Variants in KATNBL1 observed in about 807,000 individuals in gnomAD.
The protein encoded by KATNBL1 is KATNB1-like protein 1.
Under a neutral mutation model 44.7 loss-of-function variants are expected in KATNBL1, and 28 were observed. That is an observed-to-expected ratio of 0.63 (90% CI 0.46 to 0.86). The LOEUF is 0.86. Among genes scored for constraint, KATNBL1 ranks in the 40% least tolerant of loss-of-function variants. KATNBL1 has a pLI of 0.00. For missense variants in KATNBL1, 272 were observed against 350.7 expected, an observed-to-expected ratio of 0.78 and a Z score of 1.79; for synonymous variants, 78 against 114.9, an observed-to-expected ratio of 0.68 and a Z score of 2.06.
chr15:34,184,296 ACT>A (rs1469612341), intron 1 of KATNBL1, among the ~76,000 whole-genome samples: 20 of 119,448 alleles, frequency 1.7e-4, no homozygotes, highest in African/African-American at 6.9e-4. Context: ...ACAGAGCGAG[ACT>A]CTGTCTCAAA....
At position 34,155,029 on chromosome 15, in the gene KATNBL1, G is replaced by A. The variant is rs529665806; in HGVS notation, c.118-345C>T. Among the ~76,000 whole-genome samples, 23 of 152,270 alleles carry A rather than the reference G, an allele frequency of 1.5e-4. 1 individual carries two copies. In the East Asian group the frequency reaches 4.2e-3, roughly 28 times the overall value. On this transcript the variant is annotated intron_variant, in intron 2 of 9. Transcript: ENST00000256544. ...GTGCAGGTGACTAAGGATGACTAAG[G>A]ACAGAGCAGGTGACTAAGGATGACT...
intron 2 of KATNBL1, among the ~76,000 whole-genome samples, chr15:34,155,812 T>C (rs546969941): frequency 6.6e-6 from 1 of 152,358 alleles, no homozygotes; most frequent in East Asian, 1.9e-4. Flanking sequence ...ATTTATCTAA[T>C]CTACGTTTTT....
chr15:34,204,730 C>T (rs1044395265), intron 1 of KATNBL1, among the ~76,000 whole-genome samples: 2 of 152,162 alleles, frequency 1.3e-5, no homozygotes, highest in Non-Finnish European at 2.9e-5. Flanking sequence ...GCAAGAATAA[C>T]TGCTTTTTGT....
intron 2 of KATNBL1, among the ~76,000 whole-genome samples, chr15:34,157,499 G>T (rs190927266): frequency 6.6e-6 from 1 of 152,200 alleles, no homozygotes; most frequent in Non-Finnish European, 1.5e-5. Flanking sequence ...TGTGCTAAAA[G>T]ACCTTTAGTT....
chr15:34,157,986 G>A (rs1184889452), intron 2 of KATNBL1, among the ~76,000 whole-genome samples: 3 of 152,164 alleles, frequency 2.0e-5, no homozygotes, highest in Non-Finnish European at 4.4e-5. Flanking sequence ...TACCCAATGA[G>A]TAAGGTGATC....
chr15:34,151,293 A>G (rs929064913), intron 4 of KATNBL1, among the ~76,000 whole-genome samples: 2 of 152,074 alleles, frequency 1.3e-5, no homozygotes, highest in African/African-American at 4.8e-5. Flanking sequence ...CTGGTATGAG[A>G]TGATATCCTG....
chr15:34,146,595 G>A, intron 8 of KATNBL1, 166 bp downstream of exon 8: 1 of 549,200 alleles, frequency 1.8e-6, no homozygotes, highest in South Asian at 2.5e-5. Flanking sequence ...CAATTTCCAG[G>A]TGTGGTTTTC....
intron 1 of KATNBL1, among the ~76,000 whole-genome samples, chr15:34,180,886 G>A (rs1356850486): frequency 2.0e-5 from 3 of 152,040 alleles, no homozygotes; most frequent in Non-Finnish European, 4.4e-5. Flanking sequence ...AACATAGTGA[G>A]ACCCGTCTCC....
intron 1 of KATNBL1, among the ~76,000 whole-genome samples, chr15:34,173,204 CAA>C (rs1889225342): frequency 1.3e-5 from 2 of 151,400 alleles, no homozygotes; most frequent in South Asian, 2.1e-4. Flanking sequence ...AGAAATCAAA[CAA>C]AGAGATAATT....
At chr15:34,207,291 C>T (rs1890320424) in intron 1 of KATNBL1, among the ~76,000 whole-genome samples, 1 of 152,166 alleles carries the variant, frequency 6.6e-6, no homozygotes, top group Non-Finnish European at 1.5e-5. Context: ...TCACTGCAAC[C>T]TCTGCCTCCT....
chr15:34,193,224 AAAAAAAAAAAAC>A (rs1307801411), intron 1 of KATNBL1, among the ~76,000 whole-genome samples: 7 of 129,096 alleles, frequency 5.4e-5, no homozygotes, highest in African/African-American at 8.6e-5. Flanking sequence ...CTCAAAAAAA[AAAAAAAAAAAAC>A]AAAAAAAAAA....
intron 2 of KATNBL1, among the ~76,000 whole-genome samples, chr15:34,155,725 A>T (rs570457578): frequency 5.3e-4 from 80 of 152,328 alleles, no homozygotes; most frequent in African/African-American, 1.9e-3. Flanking sequence ...CTGGCTAGTA[A>T]GCCCTAATTG....
chr15:34,184,690 A>G (rs1889671554), intron 1 of KATNBL1, among the ~76,000 whole-genome samples: 1 of 145,650 alleles, frequency 6.9e-6, no homozygotes, highest in Admixed American at 7.3e-5. Flanking sequence ...CTCCTGCCTC[A>G]GCCTCCCGAG....
chr15:34,168,206 A>C (rs1889044787), intron 1 of KATNBL1, among the ~76,000 whole-genome samples: 1 of 152,150 alleles, frequency 6.6e-6, no homozygotes, highest in Non-Finnish European at 1.5e-5. Flanking sequence ...CTCACGTGCA[A>C]AGATACACAC....
At chr15:34,206,207 A>G (rs1890289036) in intron 1 of KATNBL1, among the ~76,000 whole-genome samples, 1 of 152,184 alleles carries the variant, frequency 6.6e-6, no homozygotes, top group Non-Finnish European at 1.5e-5. Flanking sequence ...AGATGCTAGA[A>G]TGAGCATCTC....
chr15:34,182,913 G>T (rs969523548), intron 1 of KATNBL1, among the ~76,000 whole-genome samples: 4 of 152,254 alleles, frequency 2.6e-5, no homozygotes, highest in Admixed American at 6.5e-5. Context: ...TTTGATTGTG[G>T]TGGTAATTAC....
chr15:34,170,741 T>C (rs1298677741), intron 1 of KATNBL1, among the ~76,000 whole-genome samples: 1 of 152,058 alleles, frequency 6.6e-6, no homozygotes, highest in Non-Finnish European at 1.5e-5. Flanking sequence ...AAAACAGATA[T>C]ATAGACCAAT....
chr15:34,198,499 T>C (rs1890084189), intron 1 of KATNBL1, among the ~76,000 whole-genome samples: 1 of 152,258 alleles, frequency 6.6e-6, no homozygotes, highest in East Asian at 1.9e-4. Flanking sequence ...AGAGTCATTT[T>C]ACAGAAAGTA....
At chr15:34,156,113 C>T (rs564572449) in intron 2 of KATNBL1, among the ~76,000 whole-genome samples, 12 of 152,118 alleles carry the variant, frequency 7.9e-5, no homozygotes, top group Admixed American at 1.3e-4. Flanking sequence ...TACATCTGCT[C>T]GGGGGTGTAT....
Sources: gnomAD v4.1 joint callset for allele counts (sites outside exome capture counted in the v4.1 genomes callset) on GRCh38, gnomAD v4.1.1 for gene constraint, MANE v1.5 for transcripts, NCBI Gene and HGNC (gene_info 2026-07-23, HGNC 2026-07-21) for gene names.